Variants in NUP153 observed in about 807,000 individuals in gnomAD.
The protein encoded by NUP153 is nucleoporin 153.
Under a neutral mutation model 134.6 loss-of-function variants are expected in NUP153, and 27 were observed. The ratio of observed to expected loss-of-function variants is 0.20; its 90% confidence interval spans 0.15 to 0.28. The LOEUF (loss-of-function observed/expected upper bound fraction) is 0.28, where lower values mean the gene tolerates loss of function less well. NUP153 is among the 10% of genes least tolerant of loss of function. The pLI, the probability that NUP153 is intolerant of heterozygous loss-of-function variation, is 1.00. For synonymous variants in NUP153, 640 were observed against 623.5 expected, an observed-to-expected ratio of 1.03 and a Z score of -0.40; for missense variants, 1,821 against 1,731.3, an observed-to-expected ratio of 1.05 and a Z score of -0.92.
intron 1 of NUP153, among the ~76,000 whole-genome samples, chr6:17,698,927 T>C (rs1471104357): frequency 2.0e-5 from 3 of 151,666 alleles, no homozygotes; most frequent in African/African-American, 7.3e-5. Context: ...CACTAAAAGT[T>C]ACCTACAAGA....
rs1032898872 is a variant in NUP153 at position 17,669,447 on chromosome 6, T to A, written c.952A>T (p.Met318Leu). The A allele has an allele frequency of 2.2e-5, 35 of 1,613,470 alleles. No individual in the cohort carries two copies. The highest frequency in any genetic ancestry group is 3.0e-5 in the Non-Finnish European group (35 of 1,179,488). Reference sequence around the variant, plus strand: ...AAATTTACCGCTAAAGGGCTTGACATCTTCTCTAAAGACTGCAATATTCGC... The same window carrying A: ...AAATTTACCGCTAAAGGGCTTGACAACTTCTCTAAAGACTGCAATATTCGC... ...ARRILQSLEKMSSPLADAKRI... is the reference protein window; with the variant it reads ...ARRILQSLEKLSSPLADAKRI... The change falls in exon 6 of 22, where the codon ATG (methionine) becomes TTG (leucine). Residue 318 changes from methionine to leucine, a missense_variant. Transcript: ENST00000262077.
At chr6:17,626,198 C>T in intron 18 of NUP153, 34 bp from the exon 19 acceptor site, 6 of 1,524,290 alleles carry the variant, frequency 3.9e-6, no homozygotes, top group Non-Finnish European at 5.4e-6. Flanking sequence ...AAACATAAAT[C>T]CTTAAGAATA....
At chr6:17,695,066 T>A (rs957652273) in intron 1 of NUP153, among the ~76,000 whole-genome samples, 6 of 152,194 alleles carry the variant, frequency 3.9e-5, no homozygotes, top group Middle Eastern at 3.4e-3. Flanking sequence ...TGTCCTTGGA[T>A]CATGCAATTC....
chr6:17,701,277 C>T (rs1770049819), intron 1 of NUP153, among the ~76,000 whole-genome samples: 1 of 151,364 alleles, frequency 6.6e-6, no homozygotes, highest in South Asian at 2.1e-4. Context: ...CGCTTATAAT[C>T]CCAGCACTTT....
intron 1 of NUP153, among the ~76,000 whole-genome samples, chr6:17,692,116 T>A (rs745390612): frequency 6.6e-6 from 1 of 152,218 alleles, no homozygotes; most frequent in Non-Finnish European, 1.5e-5. Flanking sequence ...CCCTCACTCA[T>A]AGATCCCTCA....
chr6:17,646,995 G>A (rs1766230817), intron 13 of NUP153, among the ~76,000 whole-genome samples: 1 of 147,928 alleles, frequency 6.8e-6, no homozygotes, highest in Non-Finnish European at 1.5e-5. Flanking sequence ...GACCTCAAGT[G>A]ATCCACCTGC....
intron 1 of NUP153, among the ~76,000 whole-genome samples, chr6:17,691,561 T>G (rs1769274819): frequency 6.6e-6 from 1 of 152,122 alleles, no homozygotes; most frequent in African/African-American, 2.4e-5. Flanking sequence ...GGCCAGGAGC[T>G]GGAGACCAGC....
chr6:17,660,485 C>G (rs1767111188), intron 11 of NUP153, among the ~76,000 whole-genome samples: 1 of 151,982 alleles, frequency 6.6e-6, no homozygotes, highest in Admixed American at 6.6e-5. Flanking sequence ...AATCTTAAAT[C>G]TGTCCCTATC....
At chr6:17,696,606 T>C (rs1475611250) in intron 1 of NUP153, among the ~76,000 whole-genome samples, 1 of 151,786 alleles carries the variant, frequency 6.6e-6, no homozygotes, top group Non-Finnish European at 1.5e-5. Flanking sequence ...ATATAAAAAA[T>C]TAGCTGGGTG....
chr6:17,656,135 G>A (rs755024736), intron 11 of NUP153, among the ~76,000 whole-genome samples: 14 of 146,554 alleles, frequency 9.6e-5, no homozygotes, highest in Middle Eastern at 3.4e-3. Context: ...AACTCAGGAG[G>A]TGGAGGTTGC....
intron 17 of NUP153, 78 bp from the exon 18 acceptor site, chr6:17,629,617 C>T (rs748400939): frequency 2.2e-5 from 30 of 1,341,878 alleles, no homozygotes; most frequent in African/African-American, 3.0e-5. Context: ...CTGTGAAAGC[C>T]AAAGAAACAT....
At chr6:17,617,698 A>T (rs1007870618) in intron 20 of NUP153, among the ~76,000 whole-genome samples, 2 of 152,030 alleles carry the variant, frequency 1.3e-5, no homozygotes, top group Admixed American at 6.6e-5. Flanking sequence ...TTTCAAAATT[A>T]GCCAGGCGTA....
At position 17,706,370 on chromosome 6, in the gene NUP153, T is replaced by G; in HGVS notation, c.18A>C (p.Gly6=). The G allele has an allele frequency of 6.2e-7, 1 of 1,612,364 alleles. No individual in the cohort carries two copies. The highest frequency in any genetic ancestry group is 8.5e-7 in the Non-Finnish European group (1 of 1,179,542). The change falls in exon 1 of 22, where the codon GGA becomes GGC. Residue 6 remains glycine (G), a synonymous_variant. Coordinates refer to ENST00000262077, the MANE Select transcript of NUP153 (RefSeq NM_005124.4). The surrounding 1 kb of genome is among the most constrained non-coding windows in gnomAD (Gnocchi z 5.9). The stretch of plus-strand genomic sequence containing the variant: ...TGCCGCCACCGCCCCCTCCGACTCC[T>G]CCGGCTCCCGAGGCCATGGCGGAGC... MASGA[G]GVGGGGGGKI...
chr6:17,679,206 C>CA (rs1478870889), intron 2 of NUP153, among the ~76,000 whole-genome samples: 1 of 151,904 alleles, frequency 6.6e-6, no homozygotes, highest in Non-Finnish European at 1.5e-5. Context: ...TACCAGGATA[C>CA]AAAAATCAAC....
chr6:17,624,638 G>A lies in NUP153; in HGVS notation c.4097C>T (p.Ser1366Leu). Reference sequence around the variant, plus strand: ...AAACACAGGGGGCTGGCTACTGCTTGACACTGTCCCAAAAGTAGGTGGTGC... The same window carrying A: ...AAACACAGGGGGCTGGCTACTGCTTAACACTGTCCCAAAAGTAGGTGGTGC... ...QPAPPTFGTV[S>L]SSSQPPVFGQ... The change falls in exon 20 of 22, where the codon TCA (serine) becomes TTA (leucine). Residue 1366 changes from serine to leucine, a missense_variant. By Grantham distance (145) the Ser-to-Leu change is moderately radical. Transcript: ENST00000262077. 1 of 1,614,184 alleles carries A rather than the reference G, an allele frequency of 6.2e-7. No homozygotes were observed. Among genetic ancestry groups the A allele is most frequent in the Non-Finnish European group, 8.5e-7 (1 of 1,180,034 alleles).
rs1442560041 is a variant in NUP153 at position 17,701,848 on chromosome 6, A to G, written c.111+4429T>C. Reference sequence around the variant, plus strand: ...ACTCTGTCTCGGGGGGGGGGGGAAAAAAGCTAAATGCAGGAACTGACTTGT... The same window carrying G: ...ACTCTGTCTCGGGGGGGGGGGGAAAGAAGCTAAATGCAGGAACTGACTTGT... On this transcript the variant is annotated intron_variant, in intron 1 of 21. Coordinates refer to ENST00000262077, the MANE Select transcript of NUP153 (RefSeq NM_005124.4). Among the ~76,000 whole-genome samples, 27 of 90,352 alleles carry G rather than the reference A, an allele frequency of 3.0e-4. 4 individuals are homozygous for G. Among genetic ancestry groups the G allele is most frequent in the African/African-American group, 6.4e-4 (16 of 24,994 alleles). The allele number at this position is 90,352 out of a possible 152,430, so 59.3% of individuals were successfully genotyped here.
chr6:17,634,985 A>T (rs923455404), intron 16 of NUP153, among the ~76,000 whole-genome samples: 5 of 152,210 alleles, frequency 3.3e-5, no homozygotes. Context: ...AAAATAAAAA[A>T]AAAAAATAAA....
chr6:17,653,208 G>A (rs1230666019), intron 11 of NUP153, among the ~76,000 whole-genome samples: 8 of 152,120 alleles, frequency 5.3e-5, no homozygotes, highest in African/African-American at 1.7e-4. Context: ...AGCCAAGATC[G>A]TGCTACTGCA....
chr6:17,701,017 G>A, intron 1 of NUP153, among the ~76,000 whole-genome samples: 1 of 151,988 alleles, frequency 6.6e-6, no homozygotes, highest in East Asian at 1.9e-4. Flanking sequence ...CTTGAGGTCG[G>A]GAGTTCGAGA....
Sources: allele counts gnomAD v4.1 joint callset (sites outside exome capture counted in the v4.1 genomes callset), GRCh38; gene constraint gnomAD v4.1.1; non-coding constraint Gnocchi (gnomAD v3.1); transcripts MANE v1.5; gene names NCBI Gene and HGNC (gene_info 2026-07-23, HGNC 2026-07-21).